Variants in PRKN observed in about 807,000 individuals in gnomAD.
The protein encoded by PRKN is parkin RBR E3 ubiquitin protein ligase.
A neutral mutation model predicts 59.5 loss-of-function variants in PRKN; 56 were observed. The ratio of observed to expected loss-of-function variants is 0.94; its 90% confidence interval spans 0.76 to 1.18. The LOEUF (loss-of-function observed/expected upper bound fraction) is 1.18, where lower values mean the gene tolerates loss of function less well. Ranked by LOEUF, PRKN falls within the 50% of genes most tolerant of loss-of-function variation. The pLI is 0.00. For missense variants in PRKN, 657 were observed against 596.4 expected, an observed-to-expected ratio of 1.10 and a Z score of -1.06; for synonymous variants, 250 against 222.1, an observed-to-expected ratio of 1.13 and a Z score of -1.12.
chr6:162,179,906 A>AT (rs66783107), intron 4 of PRKN, among the ~76,000 whole-genome samples: 52,702 of 147,506 alleles, frequency 0.36, 9,473 homozygotes, highest in Middle Eastern at 0.5. Context: ...TCCTCTTCCC[A>AT]TTTTTTTTTC....
intron 6 of PRKN, among the ~76,000 whole-genome samples, chr6:161,856,198 A>G (rs28396991): frequency 0.5 from 75,540 of 151,710 alleles, 19,051 homozygotes; most frequent in East Asian, 0.76. Flanking sequence ...AGTCTCTACT[A>G]AAAATACAAA....
intron 5 of PRKN, among the ~76,000 whole-genome samples, chr6:161,975,815 C>T (rs538255719): frequency 4.6e-4 from 70 of 152,322 alleles, no homozygotes; most frequent in African/African-American, 1.6e-3. Context: ...TACTCTCTCG[C>T]AAGACCGCTG....
intron 1 of PRKN, among the ~76,000 whole-genome samples, chr6:162,460,930 C>T (rs1420523014): frequency 1.3e-5 from 2 of 152,118 alleles, no homozygotes; most frequent in Non-Finnish European, 2.9e-5. Flanking sequence ...GCTCAAATTA[C>T]TCACACTGTT....
chr6:162,139,890 C>CAAAAAAAAA (rs35011084), intron 4 of PRKN, among the ~76,000 whole-genome samples: 1 of 137,834 alleles, frequency 7.3e-6, no homozygotes. Flanking sequence ...GACTCCATCT[C>CAAAAAAAAA]AAAAAAAAAA....
intron 2 of PRKN, among the ~76,000 whole-genome samples, chr6:162,358,137 A>G (rs1299140586): frequency 2.0e-5 from 3 of 152,230 alleles, no homozygotes; most frequent in Admixed American, 6.5e-5. Flanking sequence ...AGATGTGTTA[A>G]TAACAGAGGA....
chr6:161,690,960 T>C (rs1439581438), intron 7 of PRKN, among the ~76,000 whole-genome samples: 1 of 123,224 alleles, frequency 8.1e-6, no homozygotes, highest in Non-Finnish European at 1.6e-5. Context: ...GATTGAACAA[T>C]CCATCCATCC....
intron 6 of PRKN, among the ~76,000 whole-genome samples, chr6:161,899,453 T>C (rs1173246763): frequency 6.6e-6 from 1 of 152,164 alleles, no homozygotes; most frequent in African/African-American, 2.4e-5. Flanking sequence ...TGCAATTTTA[T>C]CAAATATTTA....
At chr6:161,472,578 C>T (rs1348301317) in intron 9 of PRKN, among the ~76,000 whole-genome samples, 2 of 152,076 alleles carry the variant, frequency 1.3e-5, no homozygotes, top group African/African-American at 2.4e-5. Flanking sequence ...CACAGGGAAA[C>T]CCCATCGCCT....
chr6:161,619,977 TATTC>T (rs1782832974), intron 7 of PRKN, among the ~76,000 whole-genome samples: 1 of 141,632 alleles, frequency 7.1e-6, no homozygotes, highest in African/African-American at 2.7e-5. Context: ...TGGTACACAT[TATTC>T]TTTTTTTTTT....
chr6:162,327,411 T>C (rs897893638), intron 2 of PRKN, among the ~76,000 whole-genome samples: 6 of 152,186 alleles, frequency 3.9e-5, no homozygotes, highest in African/African-American at 9.7e-5. Context: ...CTTCACAAAA[T>C]CCAAGAAAGA....
At position 161,396,248 on chromosome 6, in the gene PRKN, TCCCAAAGG is replaced by T. The variant is rs1222435161; in HGVS notation, c.1084-9379_1084-9372del. ...GCATTTGTGTCATGGCTTACCTTGT[TCCCAAAGG>T]CTAAGGTAGGACCTGGTTGCAAGCT... On this transcript the variant is annotated intron_variant, in intron 9 of 11. Transcript: ENST00000366898. This position sits in a 1 kb window ranked among gnomAD's most constrained non-coding sequence, Gnocchi z 5.4. Among the ~76,000 whole-genome samples the T allele has an allele frequency of 6.6e-6, 1 of 152,202 alleles. No individual in the cohort carries two copies. Among genetic ancestry groups the T allele is most frequent in the Non-Finnish European group, 1.5e-5 (1 of 68,042 alleles).
At chr6:162,507,745 T>C (rs939951883) in intron 1 of PRKN, among the ~76,000 whole-genome samples, 7 of 152,216 alleles carry the variant, frequency 4.6e-5, no homozygotes, top group African/African-American at 1.7e-4. Flanking sequence ...GTCTCCCCTG[T>C]TGGAGTGTGA....
chr6:162,334,104 A>T (rs563086569), intron 2 of PRKN, among the ~76,000 whole-genome samples: 3 of 152,308 alleles, frequency 2.0e-5, no homozygotes, highest in Admixed American at 1.3e-4. Flanking sequence ...TGAAGCTAGC[A>T]GAGGTTGGTT....
chr6:161,734,232 T>C (rs1787873637), intron 7 of PRKN, among the ~76,000 whole-genome samples: 1 of 152,182 alleles, frequency 6.6e-6, no homozygotes, highest in Non-Finnish European at 1.5e-5. Flanking sequence ...ATTGCTAACA[T>C]TTTCCAGCCC....
At chr6:161,899,877 C>G (rs1365119355) in intron 6 of PRKN, among the ~76,000 whole-genome samples, 2 of 152,250 alleles carry the variant, frequency 1.3e-5, no homozygotes, top group African/African-American at 4.8e-5. Context: ...AATCCCAGCA[C>G]TTTGGGAGGC....
intron 1 of PRKN, among the ~76,000 whole-genome samples, chr6:162,569,881 G>A (rs1562394856): frequency 1.3e-5 from 2 of 152,120 alleles, no homozygotes; most frequent in African/African-American, 4.8e-5. Context: ...TACTGCCTGG[G>A]GACCACCTTG....
intron 9 of PRKN, among the ~76,000 whole-genome samples, chr6:161,511,882 C>G (rs1051590219): frequency 3.9e-5 from 6 of 152,148 alleles, no homozygotes; most frequent in Admixed American, 2.6e-4. Flanking sequence ...AAGAATATCT[C>G]ACTTTAGCGG....
In PRKN at chr6:161,874,247, A is replaced by ATTAC. The variant is rs1562354445; in HGVS notation, c.735-88340_735-88339insGTAA. ...ATATTATATATAATATATAATATAT[A>ATTAC]ATATATATTATATGTAAAATATATA... On this transcript the variant is annotated intron_variant, in intron 6 of 11. Coordinates refer to ENST00000366898, the MANE Select transcript of PRKN (RefSeq NM_004562.3). Among the ~76,000 whole-genome samples the ATTAC allele has an allele frequency of 1.8e-3, 27 of 15,298 alleles. 5 individuals are homozygous for ATTAC. The highest frequency in any genetic ancestry group is 3.1e-3 in the African/African-American group (17 of 5,552). The allele number at this position is 15,298 out of a possible 152,430, so 10.0% of individuals were successfully genotyped here.
intron 4 of PRKN, among the ~76,000 whole-genome samples, chr6:162,196,183 C>T: frequency 6.6e-6 from 1 of 152,128 alleles, no homozygotes; most frequent in Non-Finnish European, 1.5e-5. Flanking sequence ...TAGTGAGAAG[C>T]CTTCAGGGGA....
Sources: allele counts gnomAD v4.1 joint callset (sites outside exome capture counted in the v4.1 genomes callset), GRCh38; gene constraint gnomAD v4.1.1; non-coding constraint Gnocchi (gnomAD v3.1); transcripts MANE v1.5; gene names NCBI Gene and HGNC (gene_info 2026-07-23, HGNC 2026-07-21).